The following GLI3 variants were observed in gnomAD, a reference collection of about 807,000 sequenced individuals.
The protein encoded by GLI3 is transcription activator GLI3.
Under a neutral mutation model 100.8 loss-of-function variants are expected in GLI3, and 20 were observed. That is an observed-to-expected ratio of 0.20 (90% CI 0.14 to 0.29). The LOEUF is 0.29. Ranked by LOEUF, GLI3 falls within the 10% of genes least tolerant of loss-of-function variation. The pLI, the probability that GLI3 is intolerant of heterozygous loss-of-function variation, is 1.00. For synonymous variants in GLI3, 938 were observed against 860.5 expected, an observed-to-expected ratio of 1.09 and a Z score of -1.58; for missense variants, 2,040 against 2,128.5, an observed-to-expected ratio of 0.96 and a Z score of 0.82.
At chr7:42,132,516 T>C (rs1374082710) in intron 3 of GLI3, among the ~76,000 whole-genome samples, 1 of 152,248 alleles carries the variant, frequency 6.6e-6, no homozygotes, top group Non-Finnish European at 1.5e-5. Flanking sequence ...TTGCTGGATC[T>C]TTCCTAGAAA....
intron 10 of GLI3, among the ~76,000 whole-genome samples, chr7:41,986,826 A>G (rs1343272807): frequency 6.6e-6 from 1 of 151,976 alleles, no homozygotes. Context: ...TAGATAAATT[A>G]TATCTCAATA....
chr7:42,233,044 G>A (rs1372642366), intron 1 of GLI3, among the ~76,000 whole-genome samples: 1 of 152,166 alleles, frequency 6.6e-6, no homozygotes, highest in Non-Finnish European at 1.5e-5. Flanking sequence ...TAAAACAATT[G>A]AGACACCATG....
intron 10 of GLI3, among the ~76,000 whole-genome samples, chr7:41,997,717 C>T (rs1411918475): frequency 1.3e-5 from 2 of 152,142 alleles, no homozygotes; most frequent in Non-Finnish European, 2.9e-5. Flanking sequence ...GGACTGCTTC[C>T]TGAGTAGAGG....
intron 2 of GLI3, among the ~76,000 whole-genome samples, chr7:42,205,665 A>G (rs1396322355): frequency 6.6e-6 from 1 of 152,250 alleles, no homozygotes; most frequent in African/African-American, 2.4e-5. Flanking sequence ...AGATGAGACA[A>G]AAGTAAAACT....
At chr7:42,143,997 G>A (rs928615386) in intron 3 of GLI3, among the ~76,000 whole-genome samples, 1 of 152,142 alleles carries the variant, frequency 6.6e-6, no homozygotes, top group Non-Finnish European at 1.5e-5. Context: ...GATCCCTGCA[G>A]GAAGAGTTTA....
At chr7:42,170,425 C>G (rs1468982052) in intron 2 of GLI3, among the ~76,000 whole-genome samples, 2 of 98,334 alleles carry the variant, frequency 2.0e-5, no homozygotes, top group Non-Finnish European at 3.7e-5. Context: ...TTTTTTGAGA[C>G]AGTGTCTCGC....
At chr7:42,208,918 A>C (rs1007639073) in intron 2 of GLI3, among the ~76,000 whole-genome samples, 1 of 152,232 alleles carries the variant, frequency 6.6e-6, no homozygotes, top group Non-Finnish European at 1.5e-5. Flanking sequence ...CACACATTTC[A>C]GATTTCAAAG....
At chr7:42,247,777 T>A (rs1259258910) in intron 1 of GLI3, among the ~76,000 whole-genome samples, 1 of 152,224 alleles carries the variant, frequency 6.6e-6, no homozygotes, top group East Asian at 1.9e-4. Flanking sequence ...AGATGTAGCA[T>A]CTGGTCAGGA....
At chr7:42,087,504 G>T (rs765539048) in intron 3 of GLI3, among the ~76,000 whole-genome samples, 1 of 152,168 alleles carries the variant, frequency 6.6e-6, no homozygotes, top group Non-Finnish European at 1.5e-5. Context: ...ACTGATGGGC[G>T]CTCAGCAATC....
chr7:41,968,750 AAGAAAGAAAGAAGGAAAG>A lies in GLI3; in HGVS notation c.2104-845_2104-828del, dbSNP rs1562662028. Among the ~76,000 whole-genome samples, 84 of 136,624 alleles carry A rather than the reference AAGAAAGAAAGAAGGAAAG, an allele frequency of 6.1e-4. 1 individual carries two copies. The highest frequency in any genetic ancestry group is 2.6e-3 in the African/African-American group (83 of 31,924). 89.6% of individuals were successfully genotyped at this position (136,624 alleles called of 152,430 possible). A position where few individuals can be genotyped will look rare whatever the true frequency, so the allele number is the denominator to read the frequency against. Reference sequence around the variant, plus strand: ...AAAGAAAGAAAGAAAGAAAGAAAGAAAGAAAGAAAGAAGGAAAGAAAGAAAGAAAGAAAGAAAGAAAGA... The same window carrying A: ...AAAGAAAGAAAGAAAGAAAGAAAGAAAAAGAAAGAAAGAAAGAAAGAAAGA... On this transcript the variant is annotated intron_variant, in intron 13 of 14. Transcript: ENST00000395925.
At position 42,148,731 on chromosome 7, in the gene GLI3, T is replaced by C. The variant is rs846374; in HGVS notation, c.125-263A>G. Among the ~76,000 whole-genome samples the C allele has an allele frequency of 0.99, 150,176 of 152,240 alleles. 74,075 individuals are homozygous for C. The highest frequency in any genetic ancestry group is 1 in the Middle Eastern group (294 of 294). Reference sequence around the variant, plus strand: ...GCCTATTAAACTGAGATGTAGGGGTTGGCAAATTGGCATCACCAGCTTCTA... The same window carrying C: ...GCCTATTAAACTGAGATGTAGGGGTCGGCAAATTGGCATCACCAGCTTCTA... On this transcript the variant is annotated intron_variant, in intron 2 of 14. Coordinates refer to ENST00000395925, the MANE Select transcript of GLI3 (RefSeq NM_000168.6).
intron 4 of GLI3, among the ~76,000 whole-genome samples, chr7:42,049,658 C>A (rs1187948224): frequency 6.6e-6 from 1 of 152,238 alleles, no homozygotes; most frequent in Non-Finnish European, 1.5e-5. Context: ...AATCCCCTCA[C>A]ACCTGCTGCC....
intron 2 of GLI3, among the ~76,000 whole-genome samples, chr7:42,168,476 T>TC (rs1449661295): frequency 2.0e-4 from 30 of 152,180 alleles, no homozygotes; most frequent in African/African-American, 7.0e-4. Flanking sequence ...TAGGACAGAT[T>TC]CATAAATTGT....
At chr7:42,118,359 A>G (rs2128769894) in intron 3 of GLI3, 1 of 398,504 alleles carries the variant, frequency 2.5e-6, no homozygotes, top group African/African-American at 2.1e-5. Context: ...CTTATCCTCA[A>G]TTTTCAGGTG....
chr7:41,965,602 G>A lies in GLI3; in HGVS notation c.3471C>T (p.Asp1157=), dbSNP rs373688469. Residue 1157 remains aspartate, a synonymous_variant, in exon 15 of 15, where the codon GAC becomes GAT. Transcript: ENST00000395925. ...EQPCPEGSKT[D]LPIQWNEVSS... is the part of the protein sequence containing the mutation. The stretch of plus-strand genomic sequence containing the variant: ...TGACTTCGTTCCACTGAATGGGCAG[G>A]TCGGTTTTGCTGCCCTCGGGGCAGG... The A allele has an allele frequency of 1.2e-6, 2 of 1,607,748 alleles. No homozygotes were observed. Among genetic ancestry groups the A allele is most frequent in the Non-Finnish European group, 1.7e-6 (2 of 1,174,902 alleles).
At chr7:41,968,755 A>AAG (rs1562662073) in intron 13 of GLI3, among the ~76,000 whole-genome samples, 5 of 101,824 alleles carry the variant, frequency 4.9e-5, no homozygotes, top group Admixed American at 1.1e-4. Context: ...AAAGAAAGAA[A>AAG]GAAAGAAGGA....
chr7:42,062,192 A>G (rs1415497505), intron 4 of GLI3, among the ~76,000 whole-genome samples: 1 of 152,166 alleles, frequency 6.6e-6, no homozygotes, highest in Non-Finnish European at 1.5e-5. Context: ...CACAAGGTTT[A>G]AGGCCCCATT....
At chr7:42,182,664 A>ATATATATATACATGTGTGTGTG (rs1787629075) in intron 2 of GLI3, among the ~76,000 whole-genome samples, 29 of 78,314 alleles carry the variant, frequency 3.7e-4, no homozygotes, top group Non-Finnish European at 6.0e-4. Flanking sequence ...ATATATATAT[A>ATATATATATACATGTGTGTGTG]TATATATATA....
chr7:42,115,359 G>C (rs1400793621), intron 3 of GLI3, among the ~76,000 whole-genome samples: 2 of 151,846 alleles, frequency 1.3e-5, no homozygotes, highest in Non-Finnish European at 2.9e-5. Context: ...AGGCTGGTCT[G>C]GAACTCCTGA....
Sources: gnomAD v4.1 joint callset for allele counts (sites outside exome capture counted in the v4.1 genomes callset) on GRCh38, gnomAD v4.1.1 for gene constraint, MANE v1.5 for transcripts, NCBI Gene and HGNC (gene_info 2026-07-23, HGNC 2026-07-21) for gene names.